Variants in UTRN observed in about 807,000 individuals in gnomAD.
UTRN encodes dystrophin-related protein 1.
Under a neutral mutation model 463.9 loss-of-function variants are expected in UTRN, and 283 were observed. That is an observed-to-expected ratio of 0.61 (90% CI 0.55 to 0.67). The LOEUF (loss-of-function observed/expected upper bound fraction) is 0.67. UTRN is among the 30% of genes least tolerant of loss of function. The pLI is 0.00. For synonymous variants in UTRN, 1,442 were observed against 1,431.5 expected (o/e 1.01, Z -0.17); for missense variants, 3,922 against 4,084.3 (o/e 0.96, Z 1.08).
intron 53 of UTRN, among the ~76,000 whole-genome samples, chr6:144,716,433 A>G (rs527511944): frequency 6.6e-6 from 1 of 152,286 alleles, no homozygotes; most frequent in East Asian, 1.9e-4. Context: ...ATAAATAAAT[A>G]TAGCCCCAAG....
Position 144,331,123 on chromosome 6 carries a change from G to A in UTRN, c.79+39216G>A, listed in dbSNP as rs1322558641. ...CAATAATTAGTGTGAAAATTACTGA[G>A]TTAACAGATTCTAAATTATTTTGTC... On this transcript the variant is annotated intron_variant, in intron 2 of 74. Transcript: ENST00000367545. The A allele has an allele frequency of 6.8e-6, 5 of 738,492 alleles. No individual in the cohort carries two copies. The African/African-American group carries it at 9.6e-5, about 14-fold the overall frequency. The allele number at this position is 738,492 out of a possible 1,614,324, so 45.7% of individuals were successfully genotyped here.
chr6:144,337,179 ACACACACACACACAC>A (rs1386522688), intron 2 of UTRN, among the ~76,000 whole-genome samples: 3 of 125,730 alleles, frequency 2.4e-5, no homozygotes, highest in Non-Finnish European at 3.3e-5. Context: ...ACACACACAG[ACACACACACACACAC>A]CACACACACA....
At chr6:144,478,023 T>C (rs181972492) in intron 25 of UTRN, among the ~76,000 whole-genome samples, 1 of 152,314 alleles carries the variant, frequency 6.6e-6, no homozygotes, top group Non-Finnish European at 1.5e-5. Context: ...GGTAACCACA[T>C]GTGTGAATAA....
chr6:144,674,087 A>C (rs749306633), intron 51 of UTRN, among the ~76,000 whole-genome samples: 1 of 152,012 alleles, frequency 6.6e-6, no homozygotes, highest in African/African-American at 2.4e-5. Context: ...TCTTTTCTTC[A>C]TTTTGGTTTT....
chr6:144,374,390 C>T (rs1293968559), intron 2 of UTRN, among the ~76,000 whole-genome samples: 3 of 152,016 alleles, frequency 2.0e-5, no homozygotes, highest in Admixed American at 2.0e-4. Context: ...TCCTGTAATC[C>T]CAGCACTTTG....
At chr6:144,393,660 C>T (rs999991102) in intron 2 of UTRN, among the ~76,000 whole-genome samples, 4 of 151,982 alleles carry the variant, frequency 2.6e-5, no homozygotes, top group African/African-American at 9.7e-5. Flanking sequence ...AAAGAATATT[C>T]AGTGACGCAG....
chr6:144,739,573 C>T (rs1317081924), intron 54 of UTRN, among the ~76,000 whole-genome samples: 1 of 152,130 alleles, frequency 6.6e-6, no homozygotes, highest in Non-Finnish European at 1.5e-5. Flanking sequence ...ATGACAGGCA[C>T]ACAGCTTCCC....
chr6:144,852,467 T>TAA lies in UTRN; in HGVS notation c.*1472_*1473dup, dbSNP rs1782537967. On this transcript the variant is annotated 3_prime_UTR_variant, in exon 75 of 75. Transcript: ENST00000367545. Reference sequence around the variant, plus strand: ...GCTGGGATCTGGCCAGAAGGAGGCTTAAAGTTAGAAATTGCTATTATTTTA... The same window carrying TAA: ...GCTGGGATCTGGCCAGAAGGAGGCTTAAAAAGTTAGAAATTGCTATTATTTTA... The TAA allele has an allele frequency of 6.6e-6, 1 of 152,512 alleles. No individual in the cohort carries two copies. Among genetic ancestry groups the TAA allele is most frequent in the African/African-American group, 2.4e-5 (1 of 41,416 alleles). The allele number at this position is 152,512 out of a possible 1,614,324, so 9.4% of individuals were successfully genotyped here.
chr6:144,766,036 G>A (rs1318801794), intron 58 of UTRN, among the ~76,000 whole-genome samples: 1 of 151,902 alleles, frequency 6.6e-6, no homozygotes, highest in African/African-American at 2.4e-5. Flanking sequence ...AATATAACCT[G>A]AGGAATATAT....
intron 64 of UTRN, 67 bp downstream of exon 64, chr6:144,798,057 A>G: frequency 6.2e-7 from 1 of 1,602,738 alleles, no homozygotes; most frequent in South Asian, 1.1e-5. Context: ...TGGTACGTCC[A>G]TCCTCCATTC....
At chr6:144,643,843 G>C (rs970144149) in intron 51 of UTRN, among the ~76,000 whole-genome samples, 1 of 151,954 alleles carries the variant, frequency 6.6e-6, no homozygotes, top group Non-Finnish European at 1.5e-5. Flanking sequence ...CCTGAGACTG[G>C]ATCAAAAATT....
intron 51 of UTRN, among the ~76,000 whole-genome samples, chr6:144,590,288 G>C (rs13198102): frequency 0.14 from 21,623 of 152,180 alleles, 1,820 homozygotes; most frequent in Middle Eastern, 0.24. Flanking sequence ...TTTGCACTTT[G>C]ATAAGAAAGA....
chr6:144,439,911 A>G (rs1024725644), intron 12 of UTRN, among the ~76,000 whole-genome samples: 1 of 152,240 alleles, frequency 6.6e-6, no homozygotes, highest in Admixed American at 6.5e-5. Flanking sequence ...GTAGCTAATC[A>G]GAGTAACTTT....
At chr6:144,699,325 C>T (rs1200769170) in intron 52 of UTRN, among the ~76,000 whole-genome samples, 1 of 151,774 alleles carries the variant, frequency 6.6e-6, no homozygotes. Flanking sequence ...GTAATTCCAG[C>T]TGTATTCAGG....
intron 63 of UTRN, among the ~76,000 whole-genome samples, chr6:144,795,750 C>A (rs1423151500): frequency 2.0e-5 from 3 of 151,952 alleles, no homozygotes; most frequent in Non-Finnish European, 4.4e-5. Flanking sequence ...TGTTTAAGTT[C>A]TCTGTAGATT....
chr6:144,560,762 T>C (rs1799796068), intron 50 of UTRN, among the ~76,000 whole-genome samples: 2 of 152,154 alleles, frequency 1.3e-5, no homozygotes, highest in South Asian at 2.1e-4. Flanking sequence ...TGAATTACCA[T>C]GCAGCTCTTT....
chr6:144,635,142 T>G (rs1306936121), intron 51 of UTRN, among the ~76,000 whole-genome samples: 12 of 142,778 alleles, frequency 8.4e-5, no homozygotes, highest in South Asian at 6.4e-4. Flanking sequence ...TTGTGTGTTT[T>G]TTTTTTTTTT....
At chr6:144,557,087 T>G in intron 49 of UTRN, 70 bp from the exon 50 acceptor site, 2 of 1,523,126 alleles carry the variant, frequency 1.3e-6, no homozygotes, top group South Asian at 2.6e-5. Flanking sequence ...CTGCTGGGAG[T>G]ACCATTGTTT....
At chr6:144,324,022 G>C (rs12662872) in intron 2 of UTRN, among the ~76,000 whole-genome samples, 7,477 of 152,230 alleles carry the variant, frequency 0.049, 541 homozygotes, top group East Asian at 0.2. Context: ...CTTTCAGCCA[G>C]GATGAGAATT....
Sources: allele counts gnomAD v4.1 joint callset (sites outside exome capture counted in the v4.1 genomes callset), GRCh38; gene constraint gnomAD v4.1.1; transcripts MANE v1.5; gene names NCBI Gene and HGNC (gene_info 2026-07-23, HGNC 2026-07-21).